Variants in LRMDA observed in about 807,000 individuals in gnomAD.
LRMDA encodes the protein leucine-rich melanocyte differentiation-associated protein.
LRMDA carries 18 observed loss-of-function variants against 29.8 expected under a neutral mutation model. That is an observed-to-expected ratio of 0.60 (90% confidence interval 0.42 to 0.90). The LOEUF (loss-of-function observed/expected upper bound fraction) is 0.90. Among genes scored for constraint, LRMDA ranks in the 40% least tolerant of loss-of-function variants. The pLI is 0.00. For missense variants in LRMDA, 273 were observed against 273.9 expected, an observed-to-expected ratio of 1.00 and a Z score of 0.02; for synonymous variants, 125 against 109.4, an observed-to-expected ratio of 1.14 and a Z score of -0.89.
Position 75,577,585 on chromosome 10 carries a change from G to T in LRMDA, c.131+139091G>T, listed in dbSNP as rs149304894. 5.9e-3 allele frequency among the ~76,000 whole-genome samples: 902 copies of T among 152,210 alleles called. 3 individuals carry two copies. The highest frequency in any genetic ancestry group is 0.014 in the Middle Eastern group (4 of 294). On this transcript the variant is annotated intron_variant, in intron 2 of 6. Transcript: ENST00000611255. ...AAGAGCAACCCCAAGACACATAATT[G>T]TCAGATTCACCAAGGTTGAAATGAA...
intron 3 of LRMDA, among the ~76,000 whole-genome samples, chr10:76,038,395 A>G (rs1290032384): frequency 6.6e-6 from 1 of 152,216 alleles, no homozygotes; most frequent in African/African-American, 2.4e-5. Flanking sequence ...CAGTAATGCT[A>G]AGGGAGTAAT....
At chr10:76,317,713 A>G (rs1840717903) in intron 5 of LRMDA, among the ~76,000 whole-genome samples, 1 of 152,116 alleles carries the variant, frequency 6.6e-6, no homozygotes, top group Non-Finnish European at 1.5e-5. Context: ...AACTGGAACT[A>G]CAGGTGCCCG....
chr10:76,099,457 G>A (rs1849363407), intron 5 of LRMDA, among the ~76,000 whole-genome samples: 1 of 151,950 alleles, frequency 6.6e-6, no homozygotes, highest in Admixed American at 6.6e-5. Flanking sequence ...TTTTGGCTTT[G>A]CATTTAATTT....
At chr10:75,982,801 A>C (rs1055226570) in intron 2 of LRMDA, among the ~76,000 whole-genome samples, 9 of 152,208 alleles carry the variant, frequency 5.9e-5, no homozygotes, top group Non-Finnish European at 2.9e-5. Flanking sequence ...TTAGAGACAC[A>C]GGACCGGGCA....
intron 5 of LRMDA, among the ~76,000 whole-genome samples, chr10:76,228,357 C>T (rs997468150): frequency 6.6e-6 from 1 of 152,094 alleles, no homozygotes; most frequent in Non-Finnish European, 1.5e-5. Context: ...CAAGGGGTTC[C>T]TTGGTGCCCT....
intron 6 of LRMDA, among the ~76,000 whole-genome samples, chr10:76,358,217 G>A (rs1369162888): frequency 6.6e-6 from 1 of 152,174 alleles, no homozygotes; most frequent in African/African-American, 2.4e-5. Flanking sequence ...GGCAGTCCTC[G>A]TAGGAGAAAT....
At chr10:75,938,734 AC>A (rs1846338760) in intron 2 of LRMDA, among the ~76,000 whole-genome samples, 1 of 152,200 alleles carries the variant, frequency 6.6e-6, no homozygotes, top group South Asian at 2.1e-4. Flanking sequence ...TTATAGTGGC[AC>A]TGCCTGAAGA....
chr10:75,874,156 T>A (rs1845158528), intron 2 of LRMDA, among the ~76,000 whole-genome samples: 1 of 152,154 alleles, frequency 6.6e-6, no homozygotes, highest in African/African-American at 2.4e-5. Context: ...TGCCTTAGAC[T>A]TAATTCTGAT....
At chr10:76,267,795 A>G (rs1840024112) in intron 5 of LRMDA, among the ~76,000 whole-genome samples, 1 of 152,154 alleles carries the variant, frequency 6.6e-6, no homozygotes, top group Non-Finnish European at 1.5e-5. Flanking sequence ...AACTTGGAAA[A>G]CATGTTGAGG....
chr10:76,295,747 C>T (rs1397025783), intron 5 of LRMDA, among the ~76,000 whole-genome samples: 1 of 152,188 alleles, frequency 6.6e-6, no homozygotes, highest in African/African-American at 2.4e-5. Context: ...CCTCCTCTAG[C>T]CCTCTTCAGT....
At chr10:76,376,108 T>C (rs937132364) in intron 6 of LRMDA, among the ~76,000 whole-genome samples, 4 of 152,090 alleles carry the variant, frequency 2.6e-5, no homozygotes, top group African/African-American at 7.2e-5. Flanking sequence ...AAATAGTGTA[T>C]ATCATTCCCA....
intron 2 of LRMDA, among the ~76,000 whole-genome samples, chr10:75,875,160 G>GGTTACCCTAGCCAGGCA: frequency 1.3e-5 from 2 of 152,150 alleles, no homozygotes; most frequent in South Asian, 4.1e-4. Flanking sequence ...GAAGAGTGGT[G>GGTTACCCTAGCCAGGCA]GTTACCCTAG....
At position 76,298,060 on chromosome 10, in the gene LRMDA, C is replaced by T. The variant is rs546469530; in HGVS notation, c.517-26341C>T. ...TCCTTGTCTTACACACAGCTGCGTG[C>T]GAGCTGCTGGTGCCATGCAGCCAGC... is the stretch of plus-strand genomic sequence containing the variant. On this transcript the variant is annotated intron_variant, in intron 5 of 6. Transcript: ENST00000611255. Among the ~76,000 whole-genome samples, 4 of 152,240 alleles carry T rather than the reference C, an allele frequency of 2.6e-5. 1 individual carries two copies. Among genetic ancestry groups the T allele is most frequent in the South Asian group, 4.1e-4 (2 of 4,838 alleles).
chr10:75,497,412 A>G (rs755584076), intron 2 of LRMDA, among the ~76,000 whole-genome samples: 59 of 151,892 alleles, frequency 3.9e-4, no homozygotes, highest in Non-Finnish European at 7.6e-4. Flanking sequence ...AGACATCAGT[A>G]TCCCTCACCC....
At chr10:76,266,066 C>A (rs1309217373) in intron 5 of LRMDA, among the ~76,000 whole-genome samples, 4 of 152,128 alleles carry the variant, frequency 2.6e-5, no homozygotes, top group Admixed American at 2.6e-4. Context: ...CAGTTACTTA[C>A]CCTCTTTAAG....
chr10:75,999,316 A>G (rs1467112093), intron 2 of LRMDA, among the ~76,000 whole-genome samples: 1 of 152,172 alleles, frequency 6.6e-6, no homozygotes, highest in East Asian at 1.9e-4. Context: ...TGTCCAAAGC[A>G]CTAATTTGGA....
chr10:75,700,489 G>A (rs1387150207), intron 2 of LRMDA, among the ~76,000 whole-genome samples: 1 of 147,840 alleles, frequency 6.8e-6, no homozygotes, highest in African/African-American at 2.5e-5. Flanking sequence ...AGGCTGGAGT[G>A]CAGTGGCGCG....
At chr10:75,704,817 C>T (rs1842348161) in intron 2 of LRMDA, among the ~76,000 whole-genome samples, 1 of 152,186 alleles carries the variant, frequency 6.6e-6, no homozygotes, top group Non-Finnish European at 1.5e-5. Flanking sequence ...CCTTTCTGCA[C>T]TTCTGTTTTC....
chr10:75,465,534 G>T (rs1253553491), intron 2 of LRMDA, among the ~76,000 whole-genome samples: 1 of 152,162 alleles, frequency 6.6e-6, no homozygotes, highest in Non-Finnish European at 1.5e-5. Flanking sequence ...CTGAAACAGA[G>T]AAAAATTTAT....
Sources: allele counts gnomAD v4.1 joint callset (sites outside exome capture counted in the v4.1 genomes callset), GRCh38; gene constraint gnomAD v4.1.1; transcripts MANE v1.5; gene names NCBI Gene and HGNC (gene_info 2026-07-23, HGNC 2026-07-21).